PLXNC1: variants seen among roughly 807,000 people sequenced by gnomAD.
PLXNC1 encodes the protein plexin-C1.
In PLXNC1, 75 loss-of-function variants were observed where a neutral mutation model predicts 178.2. The observed-to-expected ratio is 0.42, with a 90% CI of 0.35 to 0.51. PLXNC1 has a LOEUF of 0.51. PLXNC1 is among the 20% of genes least tolerant of loss of function. The pLI is 0.02. For synonymous variants in PLXNC1, 790 were observed against 779.9 expected, an observed-to-expected ratio of 1.01 and a Z score of -0.22; for missense variants, 1,503 against 1,984.4, an observed-to-expected ratio of 0.76 and a Z score of 4.61.
At chr12:94,264,774 G>A (rs1965141848) in intron 20 of PLXNC1, among the ~76,000 whole-genome samples, 1 of 151,514 alleles carries the variant, frequency 6.6e-6, no homozygotes, top group Non-Finnish European at 1.5e-5. Flanking sequence ...ACCCACTGAT[G>A]AGCATTAGTC....
intron 10 of PLXNC1, 28 bp from the exon 11 acceptor site, chr12:94,240,457 T>G: frequency 3.2e-6 from 5 of 1,579,104 alleles, no homozygotes; most frequent in Non-Finnish European, 4.3e-6. Context: ...CTGTGTCATG[T>G]GAGAGTTCTT....
At chr12:94,280,878 C>T (rs930617697) in intron 22 of PLXNC1, among the ~76,000 whole-genome samples, 5 of 152,190 alleles carry the variant, frequency 3.3e-5, no homozygotes, top group African/African-American at 9.7e-5. Context: ...AGGCAAGGAG[C>T]AGAGCAAGGA....
intron 14 of PLXNC1, among the ~76,000 whole-genome samples, chr12:94,250,502 C>T (rs1964651759): frequency 6.6e-6 from 1 of 152,164 alleles, no homozygotes; most frequent in African/African-American, 2.4e-5. Flanking sequence ...ATCCATCCTC[C>T]AGCTACTGTG....
Position 94,300,901 on chromosome 12 carries a change from T to C in PLXNC1, c.4239-9T>C, listed in dbSNP as rs546635106. 25 of 1,608,958 alleles carry C rather than the reference T, an allele frequency of 1.6e-5. No homozygotes were observed. In the South Asian group the frequency reaches 2.4e-4, roughly 16 times the overall value. Reference sequence around the variant, plus strand: ...CTATTTGAAAAGAGATTATTCTCTCTTTGAACAGCCTTCCTCTTCGCTTCT... The same window carrying C: ...CTATTTGAAAAGAGATTATTCTCTCCTTGAACAGCCTTCCTCTTCGCTTCT... On this transcript the variant is annotated splice_polypyrimidine_tract_variant and intron_variant, in intron 27 of 30. Transcript: ENST00000258526.
chr12:94,231,920 G>A (rs1055396700), intron 9 of PLXNC1, among the ~76,000 whole-genome samples: 2 of 152,112 alleles, frequency 1.3e-5, no homozygotes, highest in African/African-American at 4.8e-5. Flanking sequence ...GTGCATTCAA[G>A]GAGAGATTGT....
At chr12:94,237,461 C>T (rs1964272153) in intron 9 of PLXNC1, among the ~76,000 whole-genome samples, 1 of 152,206 alleles carries the variant, frequency 6.6e-6, no homozygotes, top group Non-Finnish European at 1.5e-5. Flanking sequence ...TTGGTTTGAC[C>T]TCATGCTGTC....
chr12:94,291,364 C>T (rs1967303164), intron 23 of PLXNC1, among the ~76,000 whole-genome samples: 1 of 152,168 alleles, frequency 6.6e-6, no homozygotes, highest in Admixed American at 6.5e-5. Context: ...GCTGGGACTA[C>T]AGGCGTGTGC....
intron 4 of PLXNC1, among the ~76,000 whole-genome samples, chr12:94,204,153 AGACT>A (rs572045027): frequency 1.8e-4 from 27 of 152,348 alleles, no homozygotes; most frequent in Non-Finnish European, 3.2e-4. Context: ...AACACAAAAC[AGACT>A]AAGACAGATG....
At chr12:94,301,835 A>C (rs994042867) in intron 28 of PLXNC1, among the ~76,000 whole-genome samples, 3 of 152,152 alleles carry the variant, frequency 2.0e-5, no homozygotes, top group African/African-American at 7.2e-5. Flanking sequence ...AGCATTGCCT[A>C]GTCTCTCAAG....
intron 23 of PLXNC1, among the ~76,000 whole-genome samples, chr12:94,286,761 T>C (rs920130148): frequency 6.6e-6 from 1 of 152,160 alleles, no homozygotes; most frequent in South Asian, 2.1e-4. Context: ...TTCCTCCTAC[T>C]ATCTAAACAA....
At chr12:94,258,085 C>T (rs1213278832) in intron 17 of PLXNC1, among the ~76,000 whole-genome samples, 1 of 150,180 alleles carries the variant, frequency 6.7e-6, no homozygotes, top group Non-Finnish European at 1.5e-5. Context: ...CGAGATCGCG[C>T]CACTGCACTC....
chr12:94,227,399 C>A, intron 9 of PLXNC1, 164 bp downstream of exon 9: 1 of 541,798 alleles, frequency 1.8e-6, no homozygotes. Context: ...TTAATTAGCG[C>A]AATACATCAA....
chr12:94,230,303 G>A (rs1349954502), intron 9 of PLXNC1, among the ~76,000 whole-genome samples: 5 of 152,240 alleles, frequency 3.3e-5, no homozygotes, highest in South Asian at 2.1e-4. Context: ...TCGCTGAGTC[G>A]TGGTCCAGGC....
At chr12:94,262,400 T>G (rs1438515769) in intron 20 of PLXNC1, 1 of 728,804 alleles carries the variant, frequency 1.4e-6, no homozygotes, top group Non-Finnish European at 1.7e-6. Context: ...CTGGATCTTG[T>G]GATTCTTAAC....
chr12:94,272,737 G>A (rs1377124104), intron 21 of PLXNC1, among the ~76,000 whole-genome samples: 1 of 152,240 alleles, frequency 6.6e-6, no homozygotes, highest in Non-Finnish European at 1.5e-5. Context: ...AGCAGCAGAG[G>A]CTGGGAAATG....
In PLXNC1 at chr12:94,306,594, ACCTTTTAC is replaced by A. The variant is rs1169957234; in HGVS notation, c.*1314_*1321del. On this transcript the variant is annotated 3_prime_UTR_variant, in exon 31 of 31. Transcript: ENST00000258526. Reference sequence around the variant, plus strand: ...CTCTTGAGCTTTTCTTGTGGCAGGCACCTTTTACCCTTGGTGCTCCAAATCCCCCATCT... The same window carrying A: ...CTCTTGAGCTTTTCTTGTGGCAGGCACCTTGGTGCTCCAAATCCCCCATCT... 6.6e-6 allele frequency: 1 copy of A among 152,168 alleles called. No individual in the cohort carries two copies. The highest frequency in any genetic ancestry group is 1.5e-5 in the Non-Finnish European group (1 of 68,034). 9.4% of individuals were successfully genotyped at this position (152,168 alleles called of 1,614,324 possible).
intron 4 of PLXNC1, among the ~76,000 whole-genome samples, chr12:94,197,437 TTC>T (rs61069982): frequency 4.7e-5 from 7 of 148,622 alleles, no homozygotes; most frequent in Admixed American, 1.3e-4. Context: ...TTAGGCCCCT[TTC>T]TCTCTCTCTC....
chr12:94,150,103 ACGAG>A, intron 1 of PLXNC1, 70 bp downstream of exon 1: 1 of 1,229,360 alleles, frequency 8.1e-7, no homozygotes, highest in South Asian at 1.5e-5. Context: ...CCGAGGCAGA[ACGAG>A]CTGGGGGCGA....
intron 23 of PLXNC1, among the ~76,000 whole-genome samples, chr12:94,293,575 T>C (rs1967586663): frequency 6.6e-6 from 1 of 152,166 alleles, no homozygotes; most frequent in African/African-American, 2.4e-5. Flanking sequence ...TGTATCCTTG[T>C]GTAGTGGAAA....
Sources: gnomAD v4.1 joint callset for allele counts (sites outside exome capture counted in the v4.1 genomes callset) on GRCh38, gnomAD v4.1.1 for gene constraint, MANE v1.5 for transcripts, NCBI Gene and HGNC (gene_info 2026-07-23, HGNC 2026-07-21) for gene names.